DMBT1: variants seen among roughly 807,000 people sequenced by gnomAD.
DMBT1 encodes the protein deleted in malignant brain tumors 1.
Under a neutral mutation model 252.9 loss-of-function variants are expected in DMBT1, and 198 were observed. That is an observed-to-expected ratio of 0.78 (90% CI 0.70 to 0.88). The LOEUF is 0.88. DMBT1 is among the 40% of genes least tolerant of loss of function. DMBT1 has a pLI of 0.00. For missense variants in DMBT1, 2,432 were observed against 2,404.7 expected, an observed-to-expected ratio of 1.01 and a Z score of -0.24; for synonymous variants, 990 against 942.7, an observed-to-expected ratio of 1.05 and a Z score of -0.92.
rs780873797 is a variant in DMBT1 at position 122,625,969 on chromosome 10, G to T, written c.5668+4G>T. 2 of 1,610,358 alleles carry T rather than the reference G, an allele frequency of 1.2e-6. No individual in the cohort carries two copies. The highest frequency in any genetic ancestry group is 1.7e-6 in the Non-Finnish European group (2 of 1,176,586). On this transcript the variant is annotated splice_donor_region_variant and intron_variant, in intron 46 of 55. Coordinates refer to ENST00000338354, the MANE Select transcript of DMBT1 (RefSeq NM_001377530.1). ...CCAACAACTACAACCACTGCAAGTA[G>T]GTATCACATTTTCTACCTGAACCAT...
At chr10:122,561,835 C>T (rs571676375) in intron 1 of DMBT1, among the ~76,000 whole-genome samples, 70 of 151,312 alleles carry the variant, frequency 4.6e-4, no homozygotes, top group Non-Finnish European at 8.8e-4. Context: ...TCCCTCCCTC[C>T]TCCTCCTTCT....
At chr10:122,626,424 G>A (rs1055362109) in intron 46 of DMBT1, among the ~76,000 whole-genome samples, 1 of 152,150 alleles carries the variant, frequency 6.6e-6, no homozygotes, top group South Asian at 2.1e-4. Context: ...TCAGATGCTA[G>A]ATATTTGTTT....
intron 44 of DMBT1, among the ~76,000 whole-genome samples, chr10:122,624,578 C>T (rs1174550530): frequency 6.6e-6 from 1 of 152,112 alleles, no homozygotes; most frequent in Non-Finnish European, 1.5e-5. Context: ...TGGAGGTGAC[C>T]AGTGTCAGGG....
At chr10:122,630,059 G>A (rs2098148811) in intron 47 of DMBT1, 66 bp downstream of exon 47, 1 of 1,594,378 alleles carries the variant, frequency 6.3e-7, no homozygotes, top group Non-Finnish European at 8.6e-7. Context: ...GGTTTAGACT[G>A]TGTCCTGGGC....
chr10:122,601,073 T>C (rs1386349411), intron 28 of DMBT1, 50 bp downstream of exon 28: 12 of 708,486 alleles, frequency 1.7e-5, no homozygotes, highest in Non-Finnish European at 2.8e-5. Context: ...CTGGACATAT[T>C]TTGTGTTTGA....
In DMBT1 at chr10:122,594,194, G is replaced by A. The variant is rs368968465; in HGVS notation, c.2531-302G>A. 2.4e-4 allele frequency among the ~76,000 whole-genome samples: 34 copies of A among 141,338 alleles called. 2 individuals are homozygous for A. Among genetic ancestry groups the A allele is most frequent in the Non-Finnish European group, 4.1e-4 (26 of 62,864 alleles). 92.7% of individuals were successfully genotyped at this position (141,338 alleles called of 152,430 possible). On this transcript the variant is annotated intron_variant, in intron 21 of 55. Coordinates refer to ENST00000338354, the MANE Select transcript of DMBT1 (RefSeq NM_001377530.1). ...GCAGTGTCCGAGCCTCAGCAATGGC[G>A]TCTGATGTCCTAGTCAGTCCATGCA...
intron 52 of DMBT1, 40 bp from the exon 53 acceptor site, chr10:122,635,951 G>A: frequency 1.2e-6 from 2 of 1,607,888 alleles, no homozygotes; most frequent in Non-Finnish European, 1.7e-6. Flanking sequence ...GTCAAATTCT[G>A]GGAGGAAATG....
chr10:122,587,666 A>C (rs1191370666), intron 16 of DMBT1, among the ~76,000 whole-genome samples: 1 of 148,626 alleles, frequency 6.7e-6, no homozygotes, highest in Admixed American at 6.7e-5. Context: ...CCCCAGATGC[A>C]GCAGGGCCCC....
chr10:122,625,831 C>A, intron 45 of DMBT1, 102 bp from the exon 46 acceptor site: 1 of 976,678 alleles, frequency 1.0e-6, no homozygotes, highest in Admixed American at 1.7e-5. Flanking sequence ...TCTGAGAAGT[C>A]CTGTACTAAG....
chr10:122,575,717 A>G (rs536177861), intron 6 of DMBT1, among the ~76,000 whole-genome samples: 45 of 152,310 alleles, frequency 3.0e-4, no homozygotes, highest in Non-Finnish European at 2.9e-4. Context: ...ATGGGAGGGA[A>G]TGTTGTGAGT....
At chr10:122,591,194 G>A (rs994270057) in intron 18 of DMBT1, among the ~76,000 whole-genome samples, 1 of 148,732 alleles carries the variant, frequency 6.7e-6, no homozygotes, top group Non-Finnish European at 1.5e-5. Flanking sequence ...TGTCAGATGT[G>A]CCCATCAGTC....
At chr10:122,592,201 G>C in intron 19 of DMBT1, 71 bp from the exon 20 acceptor site, 1 of 1,560,196 alleles carries the variant, frequency 6.4e-7, no homozygotes, top group Non-Finnish European at 8.7e-7. Context: ...GAAGTACCCT[G>C]AGTGTGGAAC....
intron 14 of DMBT1, 88 bp from the exon 15 acceptor site, chr10:122,585,183 A>G: frequency 2.0e-6 from 3 of 1,503,756 alleles, no homozygotes; most frequent in Middle Eastern, 3.4e-4. Flanking sequence ...GGTAGTTTTC[A>G]TGATGCTCGC....
In DMBT1 at chr10:122,636,198, C is replaced by T; in HGVS notation, c.6756C>T (p.Thr2252=). ...ACTCCAGTCCCTCCAATGACAGCACCAGTAAGTCCCCTTGTGGAAATGCTC... is the reference window on the plus strand; with the variant it reads ...ACTCCAGTCCCTCCAATGACAGCACTAGTAAGTCCCCTTGTGGAAATGCTC... ...EYYSSPSNDS[T]NLLCLPNHMQ... The change falls in exon 53 of 56, where the codon ACC becomes ACT. Residue 2252 remains threonine (T), a splice_region_variant and synonymous_variant. Transcript: ENST00000338354. 6.2e-7 allele frequency: 1 copy of T among 1,611,592 alleles called. No individual in the cohort carries two copies.
chr10:122,589,107 G>A lies in DMBT1; in HGVS notation c.1947G>A (p.Thr649=), dbSNP rs778507692. ...VCRQLGCGWA[T]SAPGNARFGQ... is the part of the protein sequence containing the mutation. Reference sequence around the variant, plus strand: ...GGCAGCTGGGCTGTGGCTGGGCCACGTCAGCCCCAGGAAATGCCCGGTTTG... The same window carrying A: ...GGCAGCTGGGCTGTGGCTGGGCCACATCAGCCCCAGGAAATGCCCGGTTTG... Residue 649 remains threonine (T), a synonymous_variant, in exon 17 of 56, where the codon ACG becomes ACA. Transcript: ENST00000338354. 37 of 1,588,462 alleles carry A rather than the reference G, an allele frequency of 2.3e-5. 1 individual carries two copies. The highest frequency in any genetic ancestry group is 1.7e-4 in the Middle Eastern group (1 of 6,026).
intron 41 of DMBT1, among the ~76,000 whole-genome samples, chr10:122,618,623 C>G (rs180901717): frequency 1.3e-5 from 2 of 152,208 alleles, no homozygotes; most frequent in African/African-American, 2.4e-5. Flanking sequence ...TGGCTCCCCA[C>G]GGCTCCATTT....
At position 122,586,158 on chromosome 10, in the gene DMBT1, G is replaced by C; in HGVS notation, c.1558G>C (p.Asp520His). The change falls in exon 16 of 56, where the codon GAT becomes CAT. Residue 520 changes from aspartate (D) to histidine (H), a missense_variant. Coordinates refer to ENST00000338354, the MANE Select transcript of DMBT1 (RefSeq NM_001377530.1). Reference sequence around the variant, plus strand: ...CCGAGGCTCCTGGGGCACCGTGTGTGATGACAGCTGGGACACCAATGATGC... The same window carrying C: ...CCGAGGCTCCTGGGGCACCGTGTGTCATGACAGCTGGGACACCAATGATGC... ...LYRGSWGTVC[D>H]DSWDTNDANV... 2.5e-6 allele frequency: 4 copies of C among 1,589,318 alleles called. No homozygotes were observed. Among genetic ancestry groups the C allele is most frequent in the Non-Finnish European group, 3.4e-6 (4 of 1,166,138 alleles).
intron 50 of DMBT1, among the ~76,000 whole-genome samples, chr10:122,632,462 C>T (rs2098173097): frequency 6.7e-6 from 1 of 149,636 alleles, no homozygotes; most frequent in African/African-American, 2.5e-5. Context: ...TGCCCTCTCC[C>T]CATCCTCTGC....
At chr10:122,575,037 G>A (rs2097699862) in intron 6 of DMBT1, among the ~76,000 whole-genome samples, 1 of 152,210 alleles carries the variant, frequency 6.6e-6, no homozygotes, top group Non-Finnish European at 1.5e-5. Context: ...AGCTCCTGTA[G>A]GTGCCCTGGA....
Sources: allele counts gnomAD v4.1 joint callset (sites outside exome capture counted in the v4.1 genomes callset), GRCh38; gene constraint gnomAD v4.1.1; transcripts MANE v1.5; gene names NCBI Gene and HGNC (gene_info 2026-07-23, HGNC 2026-07-21).